The following RCAN2 variants were observed in gnomAD, a reference collection of about 807,000 sequenced individuals.
The protein encoded by RCAN2 is regulator of calcineurin 2.
A neutral mutation model predicts 23.6 loss-of-function variants in RCAN2; 9 were observed. The ratio of observed to expected loss-of-function variants is 0.38; its 90% CI spans 0.23 to 0.67. RCAN2 has a LOEUF of 0.67. Ranked by LOEUF, RCAN2 falls within the 30% of genes least tolerant of loss-of-function variation. The pLI is 0.51. For missense variants in RCAN2, 273 were observed against 302.3 expected (o/e 0.90, Z 0.72); for synonymous variants, 109 against 115.7 (o/e 0.94, Z 0.37).
chr6:46,221,820 T>C lies in RCAN2; in HGVS notation c.*1321A>G. 5.0e-6 allele frequency: 2 copies of C among 397,696 alleles called. No individual in the cohort carries two copies. Among genetic ancestry groups the C allele is most frequent in the Non-Finnish European group, 8.9e-6 (2 of 225,556 alleles). The allele number at this position is 397,696 out of a possible 1,614,324, so 24.6% of individuals were successfully genotyped here. On this transcript the variant is annotated 3_prime_UTR_variant, in exon 5 of 5. Transcript: ENST00000371374. ...TTAATGTACAGGAGTAGATGAGGCC[T>C]GGCACACATAGCAGAAGGTAATGGT... is the stretch of plus-strand genomic sequence containing the variant.
chr6:46,373,080 G>A (rs1765363349), intron 2 of RCAN2, among the ~76,000 whole-genome samples: 1 of 152,160 alleles, frequency 6.6e-6, no homozygotes, highest in African/African-American at 2.4e-5. Flanking sequence ...AAGCTACAGT[G>A]AGGGAGCCAG....
intron 2 of RCAN2, among the ~76,000 whole-genome samples, chr6:46,378,005 T>C (rs1226089402): frequency 6.6e-6 from 1 of 152,236 alleles, no homozygotes; most frequent in African/African-American, 2.4e-5. Flanking sequence ...AAATGTCAGC[T>C]ACTTCCATAA....
At chr6:46,235,331 G>A (rs560326222) in intron 4 of RCAN2, among the ~76,000 whole-genome samples, 13 of 152,270 alleles carry the variant, frequency 8.5e-5, no homozygotes, top group African/African-American at 2.9e-4. Context: ...GCAATAGATA[G>A]AATCCCAGAA....
In RCAN2 at chr6:46,402,722, C is replaced by T. The variant is rs374834396; in HGVS notation, c.225+54030G>A. ...TCCGTCTAGTAACATTAGAGTACAC[C>T]CTTATTGTCCAAACATATTTCTACA... On this transcript the variant is annotated intron_variant, in intron 2 of 4. Transcript: ENST00000371374. Among the ~76,000 whole-genome samples, 121 of 152,210 alleles carry T rather than the reference C, an allele frequency of 7.9e-4. 1 individual carries two copies. The highest frequency in any genetic ancestry group is 2.8e-3 in the African/African-American group (116 of 41,538).
intron 2 of RCAN2, among the ~76,000 whole-genome samples, chr6:46,284,998 A>T (rs926572375): frequency 1.3e-5 from 2 of 152,226 alleles, no homozygotes; most frequent in African/African-American, 4.8e-5. Context: ...TGTACCACAC[A>T]GGTAGCATTT....
intron 2 of RCAN2, among the ~76,000 whole-genome samples, chr6:46,363,567 A>T (rs182495582): frequency 3.9e-5 from 6 of 152,274 alleles, no homozygotes; most frequent in African/African-American, 1.4e-4. Context: ...GATGAGCATG[A>T]CTTATAATTT....
intron 2 of RCAN2, among the ~76,000 whole-genome samples, chr6:46,270,377 C>T (rs1371455614): frequency 1.3e-5 from 2 of 152,200 alleles, no homozygotes; most frequent in African/African-American, 4.8e-5. Context: ...TTGTGCCATG[C>T]TCACAGACCA....
At chr6:46,468,518 C>G (rs1768457558) in intron 1 of RCAN2, among the ~76,000 whole-genome samples, 1 of 152,202 alleles carries the variant, frequency 6.6e-6, no homozygotes, top group African/African-American at 2.4e-5. Flanking sequence ...CAGCCCCCAT[C>G]CTGGGAGGGC....
At chr6:46,246,305 G>C (rs1406802255) in intron 4 of RCAN2, among the ~76,000 whole-genome samples, 1 of 152,160 alleles carries the variant, frequency 6.6e-6, no homozygotes, top group Non-Finnish European at 1.5e-5. Flanking sequence ...CACTTTGGCA[G>C]GCAGGTTTTC....
chr6:46,345,849 G>A (rs1283104319), intron 2 of RCAN2, among the ~76,000 whole-genome samples: 2 of 152,072 alleles, frequency 1.3e-5, no homozygotes, highest in African/African-American at 4.8e-5. Flanking sequence ...ACTATTTTTT[G>A]TTCTGGAAAA....
chr6:46,402,194 G>T (rs1430106847), intron 2 of RCAN2, among the ~76,000 whole-genome samples: 1 of 152,176 alleles, frequency 6.6e-6, no homozygotes, highest in East Asian at 1.9e-4. Context: ...TTACCAACCG[G>T]CATGGAGTCA....
intron 2 of RCAN2, among the ~76,000 whole-genome samples, chr6:46,343,283 T>C (rs1363896944): frequency 6.6e-6 from 1 of 152,050 alleles, no homozygotes; most frequent in African/African-American, 2.4e-5. Context: ...ACTATATTTC[T>C]ATATTCAGCA....
intron 2 of RCAN2, among the ~76,000 whole-genome samples, chr6:46,431,334 G>A (rs889837864): frequency 6.6e-6 from 1 of 152,068 alleles, no homozygotes; most frequent in Non-Finnish European, 1.5e-5. Context: ...GCCTCCTAAA[G>A]TGCTGGGATT....
chr6:46,354,437 G>T (rs575586924), intron 2 of RCAN2, among the ~76,000 whole-genome samples: 117 of 152,292 alleles, frequency 7.7e-4, no homozygotes, highest in East Asian at 5.8e-3. Context: ...TCAGTTTCTT[G>T]ACTCTGATGC....
intron 2 of RCAN2, among the ~76,000 whole-genome samples, chr6:46,312,919 C>G (rs1334285428): frequency 6.6e-6 from 1 of 152,216 alleles, no homozygotes; most frequent in Non-Finnish European, 1.5e-5. Flanking sequence ...GACTTCCAGT[C>G]AGACTAGGCA....
chr6:46,317,555 C>T (rs569828796), intron 2 of RCAN2, among the ~76,000 whole-genome samples: 27 of 152,174 alleles, frequency 1.8e-4, no homozygotes, highest in East Asian at 9.7e-4. Flanking sequence ...TCCACCTCCC[C>T]GGTTAAGGCC....
At chr6:46,255,493 G>A (rs886386484) in intron 2 of RCAN2, among the ~76,000 whole-genome samples, 1 of 152,166 alleles carries the variant, frequency 6.6e-6, no homozygotes, top group African/African-American at 2.4e-5. Flanking sequence ...CAAAAAAATT[G>A]TAAACCCAAA....
intron 2 of RCAN2, among the ~76,000 whole-genome samples, chr6:46,323,366 A>T (rs566695233): frequency 6.6e-6 from 1 of 151,470 alleles, no homozygotes; most frequent in African/African-American, 2.4e-5. Context: ...TAAGGCCCAG[A>T]AAGATTAGGT....
chr6:46,362,432 T>G (rs1364819136), intron 2 of RCAN2, among the ~76,000 whole-genome samples: 2 of 151,806 alleles, frequency 1.3e-5, no homozygotes, highest in African/African-American at 4.8e-5. Flanking sequence ...TATAAGGTAT[T>G]ATAAGGTAAT....
Sources: gnomAD v4.1 joint callset for allele counts (sites outside exome capture counted in the v4.1 genomes callset) on GRCh38, gnomAD v4.1.1 for gene constraint, MANE v1.5 for transcripts, NCBI Gene and HGNC (gene_info 2026-07-23, HGNC 2026-07-21) for gene names.